The following PDE10A variants were observed in gnomAD, a reference collection of about 807,000 sequenced individuals.
The protein encoded by PDE10A is cAMP and cAMP-inhibited cGMP 3',5'-cyclic phosphodiesterase 10A.
Under a neutral mutation model 97.7 loss-of-function variants are expected in PDE10A, and 39 were observed. The ratio of observed to expected loss-of-function variants is 0.40; its 90% CI spans 0.31 to 0.52. The LOEUF is 0.52. Among genes scored for constraint, PDE10A ranks in the 20% least tolerant of loss-of-function variants. The pLI is 0.56. For missense variants in PDE10A, 731 were observed against 1,047.8 expected (o/e 0.70, Z 4.17); for synonymous variants, 371 against 376.8 (o/e 0.98, Z 0.18).
chr6:165,774,165 A>G (rs1013278847), intron 1 of PDE10A, among the ~76,000 whole-genome samples: 1 of 152,184 alleles, frequency 6.6e-6, no homozygotes, highest in Non-Finnish European at 1.5e-5. Context: ...GTCAATGTAA[A>G]GTGAAAGAAC....
intron 3 of PDE10A, among the ~76,000 whole-genome samples, chr6:165,473,088 GA>G (rs1779104996): frequency 6.6e-6 from 1 of 151,998 alleles, no homozygotes; most frequent in Non-Finnish European, 1.5e-5. Flanking sequence ...CCAATAGAAT[GA>G]AAAAGTAAAA....
chr6:165,428,859 A>T, intron 9 of PDE10A, 150 bp from the exon 10 acceptor site: 1 of 510,696 alleles, frequency 2.0e-6, no homozygotes, highest in Non-Finnish European at 3.4e-6. Context: ...CAAAAAAAAA[A>T]ATCAGTACTG....
intron 1 of PDE10A, among the ~76,000 whole-genome samples, chr6:165,809,538 A>G (rs1779224205): frequency 6.6e-6 from 1 of 152,104 alleles, no homozygotes; most frequent in Non-Finnish European, 1.5e-5. Flanking sequence ...CCACACTGCA[A>G]GGATGGCTTG....
intron 1 of PDE10A, among the ~76,000 whole-genome samples, chr6:165,786,689 A>G (rs1778507062): frequency 6.6e-6 from 1 of 152,164 alleles, no homozygotes; most frequent in Admixed American, 6.5e-5. Context: ...TATGAAACTG[A>G]TATCAGAGTT....
chr6:165,813,862 T>C (rs901933472), intron 1 of PDE10A, among the ~76,000 whole-genome samples: 3 of 152,010 alleles, frequency 2.0e-5, no homozygotes, highest in African/African-American at 7.3e-5. Context: ...AGGGCCACAA[T>C]GTTGTGCAAA....
intron 1 of PDE10A, among the ~76,000 whole-genome samples, chr6:165,849,130 C>A (rs1780501776): frequency 6.6e-6 from 1 of 152,146 alleles, no homozygotes; most frequent in South Asian, 2.1e-4. Context: ...CATAAATTTT[C>A]TATTTTTATT....
intron 1 of PDE10A, among the ~76,000 whole-genome samples, chr6:165,576,728 C>T (rs1333400982): frequency 2.6e-5 from 4 of 152,164 alleles, no homozygotes; most frequent in Non-Finnish European, 4.4e-5. Flanking sequence ...CTCCAATCCA[C>T]CCTCTTCTTC....
intron 3 of PDE10A, among the ~76,000 whole-genome samples, chr6:165,459,714 T>A (rs1057309103): frequency 3.9e-5 from 6 of 152,086 alleles, no homozygotes; most frequent in Admixed American, 6.6e-5. Flanking sequence ...AAAGCACACT[T>A]AGTTGATTAT....
chr6:165,485,991 T>G (rs1779894830), intron 2 of PDE10A, among the ~76,000 whole-genome samples: 1 of 152,230 alleles, frequency 6.6e-6, no homozygotes, highest in South Asian at 2.1e-4. Context: ...GGACATTTGT[T>G]GTCAACTTTT....
chr6:165,838,771 A>G (rs1232535103), intron 1 of PDE10A, among the ~76,000 whole-genome samples: 1 of 152,216 alleles, frequency 6.6e-6, no homozygotes, highest in Non-Finnish European at 1.5e-5. Flanking sequence ...TCATCTGCAA[A>G]TGACGAATGT....
At chr6:165,626,764 G>T (rs1370105160) in intron 1 of PDE10A, among the ~76,000 whole-genome samples, 1 of 151,828 alleles carries the variant, frequency 6.6e-6, no homozygotes, top group Non-Finnish European at 1.5e-5. Context: ...TGGGGCGGCG[G>T]GGGGAAGTTG....
At chr6:165,533,929 A>C (rs926799692) in intron 2 of PDE10A, among the ~76,000 whole-genome samples, 7 of 152,272 alleles carry the variant, frequency 4.6e-5, no homozygotes, top group Non-Finnish European at 8.8e-5. Flanking sequence ...TCAAAATCCA[A>C]ATAAATTTGG....
chr6:165,878,902 C>A (rs1330165146), intron 1 of PDE10A, among the ~76,000 whole-genome samples: 1 of 152,192 alleles, frequency 6.6e-6, no homozygotes, highest in Non-Finnish European at 1.5e-5. Flanking sequence ...CAGATTCTCC[C>A]TGGAACCACC....
At chr6:165,882,891 G>A (rs2500471) in intron 1 of PDE10A, among the ~76,000 whole-genome samples, 116,827 of 151,858 alleles carry the variant, frequency 0.77, 45,156 homozygotes, top group East Asian at 0.96. Flanking sequence ...TCAACCCCAG[G>A]AGCCAAGCTA....
At chr6:165,546,497 A>G (rs745445139) in intron 1 of PDE10A, among the ~76,000 whole-genome samples, 51 of 152,138 alleles carry the variant, frequency 3.4e-4, no homozygotes, top group Non-Finnish European at 6.5e-4. Context: ...TGTATTACAC[A>G]TGTAATATAA....
chr6:165,619,680 T>TAGTGTAGTCTAGTGTAGTCC (rs1788023668), intron 1 of PDE10A, among the ~76,000 whole-genome samples: 2 of 124,252 alleles, frequency 1.6e-5, no homozygotes, highest in African/African-American at 7.5e-5. Flanking sequence ...TAGTGTAGTC[T>TAGTGTAGTCTAGTGTAGTCC]AGTGTAGTGT....
chr6:165,562,350 G>T (rs1055719097), intron 1 of PDE10A, among the ~76,000 whole-genome samples: 3 of 151,996 alleles, frequency 2.0e-5, no homozygotes, highest in Non-Finnish European at 4.4e-5. Flanking sequence ...GACACAAAAG[G>T]TCTCAATTTT....
At chr6:165,520,492 G>C (rs1271368361) in intron 2 of PDE10A, among the ~76,000 whole-genome samples, 1 of 152,122 alleles carries the variant, frequency 6.6e-6, no homozygotes, top group Non-Finnish European at 1.5e-5. Flanking sequence ...GAAGGAGAGG[G>C]ATGGGCATGA....
chr6:165,937,359 C>T (rs1783366910), intron 1 of PDE10A, among the ~76,000 whole-genome samples: 2 of 152,210 alleles, frequency 1.3e-5, no homozygotes, highest in South Asian at 4.1e-4. Flanking sequence ...TATTCAGCTT[C>T]TATTAATTCT....
Sources: allele counts gnomAD v4.1 joint callset (sites outside exome capture counted in the v4.1 genomes callset), GRCh38; gene constraint gnomAD v4.1.1; transcripts MANE v1.5; gene names NCBI Gene and HGNC (gene_info 2026-07-23, HGNC 2026-07-21).